The following SLC24A2 variants were observed in gnomAD, a reference collection of about 807,000 sequenced individuals.
SLC24A2 encodes sodium/potassium/calcium exchanger 2.
SLC24A2 carries 36 observed loss-of-function variants against 62.0 expected under a neutral mutation model. That is an observed-to-expected ratio of 0.58 (90% CI 0.44 to 0.77). The LOEUF is 0.77. Among genes scored for constraint, SLC24A2 ranks in the 30% least tolerant of loss-of-function variants. The pLI is 0.00. For missense variants in SLC24A2, 846 were observed against 817.9 expected, an observed-to-expected ratio of 1.03 and a Z score of -0.42; for synonymous variants, 358 against 294.0, an observed-to-expected ratio of 1.22 and a Z score of -2.23.
At chr9:19,771,635 G>A (rs1462385652) in intron 2 of SLC24A2, among the ~76,000 whole-genome samples, 1 of 152,160 alleles carries the variant, frequency 6.6e-6, no homozygotes, top group African/African-American at 2.4e-5. Flanking sequence ...CTAGAAACGA[G>A]AGCGAGGATG....
chr9:19,999,118 T>G, the SLC24A2 span, among the ~76,000 whole-genome samples: 1 of 152,244 alleles, frequency 6.6e-6, no homozygotes, highest in Non-Finnish European at 1.5e-5. Context: ...GCCTACCCAC[T>G]GGGGCTATTG....
At chr9:20,204,133 T>G in the SLC24A2 span, among the ~76,000 whole-genome samples, 1 of 152,244 alleles carries the variant, frequency 6.6e-6, no homozygotes, top group African/African-American at 2.4e-5. Flanking sequence ...TTATTGCTTA[T>G]ATATTTTGAA....
chr9:19,788,517 G>C lies in SLC24A2; in HGVS notation c.-154+368C>G, dbSNP rs575207292. 184 of 985,446 alleles carry C rather than the reference G, an allele frequency of 1.9e-4. No homozygotes were observed. In the African/African-American group the frequency reaches 3.0e-3, roughly 16 times the overall value. 61.0% of individuals were successfully genotyped at this position (985,446 alleles called of 1,614,324 possible). A position where few individuals can be genotyped will look rare whatever the true frequency, so the allele number is the denominator to read the frequency against. On this transcript the variant is annotated intron_variant, in intron 1 of 10. Coordinates refer to ENST00000341998, the MANE Select transcript of SLC24A2 (RefSeq NM_020344.4). ...GGATTAATAGGAAAATAAATCTAAAGGACAGACGCCCCACCTGTGAGCTTG... is the reference window on the plus strand; with the variant it reads ...GGATTAATAGGAAAATAAATCTAAACGACAGACGCCCCACCTGTGAGCTTG...
At chr9:20,050,044 A>G in the SLC24A2 span, among the ~76,000 whole-genome samples, 1 of 152,100 alleles carries the variant, frequency 6.6e-6, no homozygotes. Flanking sequence ...ACTGGAGCAG[A>G]GCAGGAAAAT....
chr9:19,820,016 TATATATATACAC>T, the SLC24A2 span, among the ~76,000 whole-genome samples: 1,357 of 105,750 alleles, frequency 0.013, 15 homozygotes, highest in Middle Eastern at 0.023. Context: ...TGTGTATATA[TATATATATACAC>T]ATATATATAT....
chr9:20,268,656 ATAAAT>A, the SLC24A2 span, among the ~76,000 whole-genome samples: 1 of 152,182 alleles, frequency 6.6e-6, no homozygotes, highest in Non-Finnish European at 1.5e-5. Flanking sequence ...ACTGTGACAA[ATAAAT>A]TATATAGCCC....
chr9:20,018,166 T>C, the SLC24A2 span, among the ~76,000 whole-genome samples: 107,645 of 152,006 alleles, frequency 0.71, 38,320 homozygotes, highest in Admixed American at 0.79. Context: ...CCAGGATGAT[T>C]TTGATCTCCT....
At chr9:20,189,923 G>A in the SLC24A2 span, among the ~76,000 whole-genome samples, 1 of 152,172 alleles carries the variant, frequency 6.6e-6, no homozygotes, top group African/African-American at 2.4e-5. Flanking sequence ...CAGTCTAAGG[G>A]TGCTGGGAGG....
At chr9:20,221,188 G>C in the SLC24A2 span, among the ~76,000 whole-genome samples, 1 of 152,084 alleles carries the variant, frequency 6.6e-6, no homozygotes, top group South Asian at 2.1e-4. Flanking sequence ...GAGAAGATAA[G>C]AGTGACATGG....
chr9:19,743,001 GA>G (rs1293625476), intron 2 of SLC24A2, among the ~76,000 whole-genome samples: 1 of 151,988 alleles, frequency 6.6e-6, no homozygotes, highest in African/African-American at 2.4e-5. Context: ...AAAAGTAGAG[GA>G]TCCTTATGTT....
At chr9:20,083,680 A>C in the SLC24A2 span, among the ~76,000 whole-genome samples, 1 of 152,216 alleles carries the variant, frequency 6.6e-6, no homozygotes, top group Non-Finnish European at 1.5e-5. Flanking sequence ...TATTAAGCTC[A>C]TATTTGCAGT....
intron 2 of SLC24A2, among the ~76,000 whole-genome samples, chr9:19,662,054 G>A (rs1819117249): frequency 6.6e-6 from 1 of 152,018 alleles, no homozygotes; most frequent in Admixed American, 6.5e-5. Context: ...TGCTATTCCT[G>A]GCCAAGATCT....
At chr9:19,800,202 G>T in the SLC24A2 span, among the ~76,000 whole-genome samples, 371 of 152,198 alleles carry the variant, frequency 2.4e-3, 1 homozygote, top group East Asian at 0.026. Flanking sequence ...AATGTGGAAG[G>T]CATTTTTCAA....
chr9:20,255,811 G>A, the SLC24A2 span, among the ~76,000 whole-genome samples: 1 of 152,188 alleles, frequency 6.6e-6, no homozygotes, highest in Admixed American at 6.5e-5. Context: ...AAGAATTCAT[G>A]GTCATACTTA....
chr9:20,174,998 A>G, the SLC24A2 span, among the ~76,000 whole-genome samples: 1 of 134,698 alleles, frequency 7.4e-6, no homozygotes, highest in Non-Finnish European at 1.6e-5. Context: ...ATATATATAT[A>G]TATCAGTTTC....
chr9:19,851,831 T>C, the SLC24A2 span, among the ~76,000 whole-genome samples: 3,394 of 152,288 alleles, frequency 0.022, 60 homozygotes, highest in Non-Finnish European at 0.033. Flanking sequence ...TTTATATTCC[T>C]TTGGGTATAT....
the SLC24A2 span, among the ~76,000 whole-genome samples, chr9:19,867,385 C>A: frequency 5.8e-3 from 890 of 152,224 alleles, 13 homozygotes; most frequent in African/African-American, 0.02. Flanking sequence ...TCAGAATTCC[C>A]ATTGCTTTTT....
chr9:19,557,008 C>T (rs770599117), intron 7 of SLC24A2, among the ~76,000 whole-genome samples: 1 of 152,160 alleles, frequency 6.6e-6, no homozygotes, highest in Non-Finnish European at 1.5e-5. Context: ...TCCAGAATTT[C>T]AGAGTAGGTA....
the SLC24A2 span, among the ~76,000 whole-genome samples, chr9:19,990,931 A>ATGTG: frequency 1.2e-3 from 149 of 119,458 alleles, 4 homozygotes; most frequent in African/African-American, 4.4e-3. Context: ...GGATATATAT[A>ATGTG]TATATGTATG....
Sources: allele counts gnomAD v4.1 joint callset (sites outside exome capture counted in the v4.1 genomes callset), GRCh38; gene constraint gnomAD v4.1.1; transcripts MANE v1.5; gene names NCBI Gene and HGNC (gene_info 2026-07-23, HGNC 2026-07-21).